The following GMDS variants were observed in gnomAD, a reference collection of about 807,000 sequenced individuals.
GMDS encodes GDP-mannose 4,6 dehydratase.
In GMDS, 20 loss-of-function variants were observed where a neutral mutation model predicts 49.9. The ratio of observed to expected loss-of-function variants is 0.40; its 90% CI spans 0.28 to 0.58. The LOEUF (loss-of-function observed/expected upper bound fraction) is 0.58. GMDS is among the 20% of genes least tolerant of loss of function. The pLI is 0.42. For missense variants in GMDS, 362 were observed against 481.4 expected, an observed-to-expected ratio of 0.75 and a Z score of 2.32; for synonymous variants, 177 against 178.6, an observed-to-expected ratio of 0.99 and a Z score of 0.07.
chr6:1,802,731 T>C (rs1386857864), intron 7 of GMDS, among the ~76,000 whole-genome samples: 2 of 152,236 alleles, frequency 1.3e-5, no homozygotes, highest in African/African-American at 2.4e-5. Context: ...ATGAACTTAC[T>C]GTTACCTTTT....
At chr6:2,016,802 A>G (rs1283943843) in intron 4 of GMDS, among the ~76,000 whole-genome samples, 1 of 152,186 alleles carries the variant, frequency 6.6e-6, no homozygotes, top group Admixed American at 6.5e-5. Flanking sequence ...TAGAAAGAGC[A>G]TATTTCTAAA....
chr6:1,845,180 T>C (rs528384244), intron 7 of GMDS, among the ~76,000 whole-genome samples: 5 of 152,352 alleles, frequency 3.3e-5, no homozygotes, highest in Non-Finnish European at 7.3e-5. Flanking sequence ...AATTTGTCAA[T>C]GTCATCATCT....
At chr6:2,212,265 T>C (rs921477629) in intron 1 of GMDS, among the ~76,000 whole-genome samples, 2 of 152,216 alleles carry the variant, frequency 1.3e-5, no homozygotes, top group Admixed American at 1.3e-4. Flanking sequence ...TATTTTCTAC[T>C]TGGGAAAGTT....
At position 2,191,524 on chromosome 6, in the gene GMDS, C is replaced by A. The variant is rs1779017447; in HGVS notation, c.102+53797G>T. Among the ~76,000 whole-genome samples, 1 of 152,220 alleles carries A rather than the reference C, an allele frequency of 6.6e-6. No homozygotes were observed. Among genetic ancestry groups the A allele is most frequent in the South Asian group, 2.1e-4 (1 of 4,832 alleles). On this transcript the variant is annotated intron_variant, in intron 1 of 10. Coordinates refer to ENST00000380815, the MANE Select transcript of GMDS (RefSeq NM_001500.4). The surrounding 1 kb of genome is among the most constrained non-coding windows in gnomAD (Gnocchi z 4.6). ...CTGCACTCTTGGGGGCCCTGGAAGG[C>A]CCCCGCCTTGCCCTTGCAGGCTCGG... is the stretch of plus-strand genomic sequence containing the variant.
intron 7 of GMDS, among the ~76,000 whole-genome samples, chr6:1,767,473 T>A (rs763284605): frequency 6.6e-6 from 1 of 152,186 alleles, no homozygotes; most frequent in Non-Finnish European, 1.5e-5. Context: ...GTACTTCAGA[T>A]AAAAACAAGC....
chr6:1,639,251 C>T (rs915479348), intron 9 of GMDS, among the ~76,000 whole-genome samples: 2 of 152,198 alleles, frequency 1.3e-5, no homozygotes, highest in Admixed American at 6.5e-5. Context: ...GGGTGACGTG[C>T]CTAGCATTTT....
At chr6:1,698,631 T>C (rs1055887342) in intron 9 of GMDS, among the ~76,000 whole-genome samples, 10 of 152,050 alleles carry the variant, frequency 6.6e-5, no homozygotes, top group Non-Finnish European at 1.3e-4. Context: ...AGGGTTGGTA[T>C]TGAGGTGGAG....
intron 4 of GMDS, among the ~76,000 whole-genome samples, chr6:1,969,644 C>T (rs1764487317): frequency 1.3e-5 from 2 of 152,158 alleles, no homozygotes; most frequent in African/African-American, 4.8e-5. Flanking sequence ...TCCAGTTTGA[C>T]TTCCTCCCAT....
At chr6:1,780,351 A>G (rs1273998873) in intron 7 of GMDS, among the ~76,000 whole-genome samples, 1 of 152,218 alleles carries the variant, frequency 6.6e-6, no homozygotes, top group Non-Finnish European at 1.5e-5. Context: ...AAATTACAGT[A>G]CCAAGGATGC....
rs1013399852 is a variant in GMDS at position 1,831,386 on chromosome 6, A to G, written c.772-88800T>C. The stretch of plus-strand genomic sequence containing the variant: ...GAGGAGTCCAGATAATCATTCCTTA[A>G]GGGAAGCGTGAAGGGAAAATCTCTA... On this transcript the variant is annotated intron_variant, in intron 7 of 10. Coordinates refer to ENST00000380815, the MANE Select transcript of GMDS (RefSeq NM_001500.4). Among the ~76,000 whole-genome samples the G allele has an allele frequency of 3.3e-5, 5 of 152,386 alleles. No individual in the cohort carries two copies. The East Asian group carries it at 5.8e-4, about 18-fold the overall frequency.
rs559542968 is a variant in GMDS, at chr6:1,802,247, A to G, written c.772-59661T>C. On this transcript the variant is annotated intron_variant, in intron 7 of 10. Transcript: ENST00000380815. ...AAATTAATACTGTCCTAATGAATGT[A>G]CAATTTTGCAGACACCAGTTAGTCT... Among the ~76,000 whole-genome samples, 4 of 152,370 alleles carry G rather than the reference A, an allele frequency of 2.6e-5. No individual in the cohort carries two copies. The South Asian group carries it at 8.3e-4, about 32-fold the overall frequency.
At chr6:2,234,054 TAC>T (rs1180953832) in intron 1 of GMDS, among the ~76,000 whole-genome samples, 1 of 152,128 alleles carries the variant, frequency 6.6e-6, no homozygotes, top group Non-Finnish European at 1.5e-5. Context: ...AGCAGTAAAA[TAC>T]AGTCTTGTCC....
chr6:1,753,511 T>C (rs1767818038), intron 7 of GMDS, among the ~76,000 whole-genome samples: 1 of 152,196 alleles, frequency 6.6e-6, no homozygotes, highest in Admixed American at 6.5e-5. Flanking sequence ...TATTGAGGAC[T>C]TGAATTCAGC....
At chr6:1,769,872 G>A (rs1470637200) in intron 7 of GMDS, among the ~76,000 whole-genome samples, 3 of 151,956 alleles carry the variant, frequency 2.0e-5, no homozygotes, top group East Asian at 1.9e-4. Flanking sequence ...GATTATGGGC[G>A]TGGACCACCA....
intron 7 of GMDS, among the ~76,000 whole-genome samples, chr6:1,757,762 A>G (rs1768003184): frequency 1.3e-5 from 2 of 152,224 alleles, no homozygotes; most frequent in Non-Finnish European, 1.5e-5. Flanking sequence ...TGTAGACAGG[A>G]CTTTCAGGAT....
chr6:1,897,919 G>A (rs1048035768), intron 7 of GMDS, among the ~76,000 whole-genome samples: 1 of 150,054 alleles, frequency 6.7e-6, no homozygotes, highest in Non-Finnish European at 1.5e-5. Flanking sequence ...TCTACTCCAC[G>A]GCCACCCTTG....
chr6:1,649,332 A>C (rs1346619000), intron 9 of GMDS, among the ~76,000 whole-genome samples: 1 of 152,200 alleles, frequency 6.6e-6, no homozygotes, highest in Non-Finnish European at 1.5e-5. Flanking sequence ...ACAGACAGGA[A>C]AACTCAGTCT....
chr6:1,830,830 G>T (rs1756601954), intron 7 of GMDS, among the ~76,000 whole-genome samples: 1 of 152,150 alleles, frequency 6.6e-6, no homozygotes, highest in Non-Finnish European at 1.5e-5. Context: ...TCAGGGATAA[G>T]AAATATATAT....
At chr6:1,848,536 T>C (rs1286093833) in intron 7 of GMDS, among the ~76,000 whole-genome samples, 3 of 152,340 alleles carry the variant, frequency 2.0e-5, no homozygotes, top group African/African-American at 7.2e-5. Context: ...TTAACAAAGT[T>C]TTTTGGTTTT....
Sources: gnomAD v4.1 joint callset for allele counts (sites outside exome capture counted in the v4.1 genomes callset) on GRCh38, gnomAD v4.1.1 for gene constraint, Gnocchi (gnomAD v3.1) non-coding constraint, MANE v1.5 for transcripts, NCBI Gene and HGNC (gene_info 2026-07-23, HGNC 2026-07-21) for gene names.